Variants in MIOS observed in about 807,000 individuals in gnomAD.
MIOS encodes the protein GATOR2 complex protein MIOS.
MIOS carries 52 observed loss-of-function variants against 96.9 expected under a neutral mutation model. That is an observed-to-expected ratio of 0.54 (90% confidence interval 0.43 to 0.68). The LOEUF is 0.68. Among genes scored for constraint, MIOS ranks in the 30% least tolerant of loss-of-function variants. The pLI, the probability that MIOS is intolerant of heterozygous loss-of-function variation, is 0.00. For synonymous variants in MIOS, 397 were observed against 359.5 expected (o/e 1.10, Z -1.18); for missense variants, 1,005 against 1,052.8 (o/e 0.95, Z 0.63).
At position 7,572,742 on chromosome 7, in the gene MIOS, T is replaced by TA; in HGVS notation, c.268dup (p.Thr90AsnfsTer8). ...GACAAGCAAATGGTCGAGTTGTACTTACAAGCCTTGGTCAAGATCATAACT... is the reference window on the plus strand; with the variant it reads ...GACAAGCAAATGGTCGAGTTGTACTTAACAAGCCTTGGTCAAGATCATAACT... On this transcript the variant is annotated frameshift_variant, in exon 4 of 13. Coordinates refer to ENST00000340080, the MANE Select transcript of MIOS (RefSeq NM_019005.4). LOFTEE classifies it high-confidence loss of function. This position sits in a 1 kb window ranked among gnomAD's most constrained non-coding sequence, Gnocchi z 4.8. 2 of 1,614,164 alleles carry TA rather than the reference T, an allele frequency of 1.2e-6. No individual in the cohort carries two copies. The highest frequency in any genetic ancestry group is 1.1e-5 in the South Asian group (1 of 91,082).
chr7:7,576,127 GTATATA>G (rs940808631), intron 5 of MIOS, among the ~76,000 whole-genome samples: 2 of 152,226 alleles, frequency 1.3e-5, no homozygotes, highest in Admixed American at 1.3e-4. Flanking sequence ...GTAACAAATA[GTATATA>G]TATAAGTGCT....
chr7:7,575,490 T>C (rs540007780), intron 5 of MIOS, among the ~76,000 whole-genome samples: 1 of 152,214 alleles, frequency 6.6e-6, no homozygotes, highest in Admixed American at 6.5e-5. Context: ...TTTATTAACA[T>C]AGGTAAAAGG....
chr7:7,603,971 C>G (rs1009443275), intron 11 of MIOS, among the ~76,000 whole-genome samples: 12 of 150,928 alleles, frequency 8.0e-5, no homozygotes, highest in African/African-American at 2.9e-4. Flanking sequence ...GACAAAAATC[C>G]AAACACCGCA....
intron 9 of MIOS, among the ~76,000 whole-genome samples, chr7:7,593,879 CAAAA>C (rs35986278): frequency 4.2e-5 from 2 of 47,864 alleles, no homozygotes; most frequent in African/African-American, 1.3e-4. Context: ...ACTCTGTCTC[CAAAA>C]AAAAAAAAAA....
In MIOS at chr7:7,604,617, T is replaced by C. The variant is rs1443106739; in HGVS notation, c.2402-1325T>C. On this transcript the variant is annotated intron_variant, in intron 11 of 12. Coordinates refer to ENST00000340080, the MANE Select transcript of MIOS (RefSeq NM_019005.4). ...ATTTTCTTCTTACATTATGAGTTAA[T>C]GCATAAGTGAAACTCTAGTTTCGCC... 3.3e-5 allele frequency among the ~76,000 whole-genome samples: 5 copies of C among 152,226 alleles called. No individual in the cohort carries two copies. The East Asian group carries it at 9.6e-4, about 29-fold the overall frequency.
At chr7:7,582,260 T>G (rs1783754769) in intron 5 of MIOS, among the ~76,000 whole-genome samples, 1 of 152,230 alleles carries the variant, frequency 6.6e-6, no homozygotes, top group African/African-American at 2.4e-5. Flanking sequence ...ATTTAGTTTA[T>G]TCTGAAAATC....
At chr7:7,592,289 C>G (rs1703378907) in intron 9 of MIOS, among the ~76,000 whole-genome samples, 1 of 152,130 alleles carries the variant, frequency 6.6e-6, no homozygotes, top group South Asian at 2.1e-4. Context: ...GTGCCTGGCC[C>G]AGATTTGTTG....
Position 7,605,927 on chromosome 7 carries a change from T to G in MIOS, c.2402-15T>G. On this transcript the variant is annotated splice_polypyrimidine_tract_variant and intron_variant, in intron 11 of 12. Transcript: ENST00000340080. ...TTATGATATAGTTAATGAAGATCAT[T>G]TTATTTTGTCATAGGAGGAACCAAA... The G allele has an allele frequency of 6.2e-7, 1 of 1,609,444 alleles. No homozygotes were observed. The highest frequency in any genetic ancestry group is 8.5e-7 in the Non-Finnish European group (1 of 1,177,032).
chr7:7,579,831 G>T lies in MIOS; in HGVS notation c.1394-3287G>T, dbSNP rs890906515. On this transcript the variant is annotated intron_variant, in intron 5 of 12. Transcript: ENST00000340080. Reference sequence around the variant, plus strand: ...GTAGTGGGCTATGCCATCTAGGTTTGTGTAAGTACACTGTGATGTTCATAC... The same window carrying T: ...GTAGTGGGCTATGCCATCTAGGTTTTTGTAAGTACACTGTGATGTTCATAC... 2.0e-5 allele frequency among the ~76,000 whole-genome samples: 3 copies of T among 152,164 alleles called. No individual in the cohort carries two copies. In the South Asian group the frequency reaches 6.2e-4, roughly 32 times the overall value.
chr7:7,571,244 A>T (rs1329482351), intron 3 of MIOS, among the ~76,000 whole-genome samples: 2 of 152,190 alleles, frequency 1.3e-5, no homozygotes, highest in Non-Finnish European at 2.9e-5. Flanking sequence ...AGGCAACCTT[A>T]ATTATTGAAA....
At position 7,594,991 on chromosome 7, in the gene MIOS, A is replaced by T; in HGVS notation, c.2055A>T (p.Leu685Phe). 12 of 1,606,336 alleles carry T rather than the reference A, an allele frequency of 7.5e-6. No individual in the cohort carries two copies. Among genetic ancestry groups the T allele is most frequent in the Non-Finnish European group, 1.0e-5 (12 of 1,177,288 alleles). The change falls in exon 10 of 13, where the codon TTA becomes TTT. Residue 685 changes from leucine (L) to phenylalanine (F), a missense_variant. This residue lies in a region of MIOS where 865 missense variants were observed against 887.9 expected (regional missense o/e 0.97). Transcript: ENST00000340080. ...TGTTTTCGTTTTAGGGTTCACCTTT[A>T]GATGTTCTTAAAGATGAAAGGGTTC... ...ASYCMLQGSP[L>F]DVLKDERVQY...
At chr7:7,601,913 T>G (rs948637139) in intron 11 of MIOS, among the ~76,000 whole-genome samples, 27 of 152,278 alleles carry the variant, frequency 1.8e-4, no homozygotes, top group Non-Finnish European at 3.5e-4. Flanking sequence ...CAAGGCTGGT[T>G]CAACATACGA....
intron 5 of MIOS, among the ~76,000 whole-genome samples, chr7:7,575,917 A>G (rs560649403): frequency 1.9e-4 from 28 of 149,774 alleles, no homozygotes; most frequent in Non-Finnish European, 3.1e-4. Context: ...TTTTGTTTCT[A>G]CTACCCAAAG....
chr7:7,572,848 G>A lies in MIOS; in HGVS notation c.373G>A (p.Asp125Asn), dbSNP rs754287818. ...QCNTLAWNPL[D>N]SNWLAAGLDK... ...TAATACCCTTGCCTGGAATCCACTG[G>A]ATAGTAACTGGCTAGCTGCTGGTTT... Residue 125 changes from aspartate to asparagine, a missense_variant, in exon 4 of 13, where the codon GAT becomes AAT. Coordinates refer to ENST00000340080, the MANE Select transcript of MIOS (RefSeq NM_019005.4). The surrounding 1 kb of genome is among the most constrained non-coding windows in gnomAD (Gnocchi z 4.8). 1.9e-6 allele frequency: 3 copies of A among 1,614,138 alleles called. No individual in the cohort carries two copies. The highest frequency in any genetic ancestry group is 2.5e-6 in the Non-Finnish European group (3 of 1,180,000).
In MIOS at chr7:7,589,388, C is replaced by G; in HGVS notation, c.1885-17C>G. 6.2e-7 allele frequency: 1 copy of G among 1,608,988 alleles called. No homozygotes were observed. The highest frequency in any genetic ancestry group is 8.5e-7 in the Non-Finnish European group (1 of 1,176,812). On this transcript the variant is annotated splice_polypyrimidine_tract_variant and intron_variant, in intron 8 of 12. Transcript: ENST00000340080. ...GTGAAACAGATTGCTTTAGAAAAAT[C>G]ACTTTAAATTTTCCAGTTAAATAGA...
In MIOS at chr7:7,601,427, G is replaced by A. The variant is rs562985625; in HGVS notation, c.2402-4515G>A. On this transcript the variant is annotated intron_variant, in intron 11 of 12. Transcript: ENST00000340080. The stretch of plus-strand genomic sequence containing the variant: ...CCCACAGAAATACAAACTACCATCA[G>A]AGAATACCATAAACACCTCTATGCA... 6.6e-5 allele frequency among the ~76,000 whole-genome samples: 10 copies of A among 152,242 alleles called. No individual in the cohort carries two copies. The East Asian group carries it at 1.9e-3, about 29-fold the overall frequency.
Position 7,606,007 on chromosome 7 carries a change from T to C in MIOS, c.2467T>C (p.Trp823Arg). The C allele has an allele frequency of 6.2e-7, 1 of 1,614,006 alleles. No homozygotes were observed. ...CAAAAAATTAGCCCAATTTAACAAC[T>C]GGTTTACATGGTGTCATAATTGCAG... is the stretch of plus-strand genomic sequence containing the variant. ...KDKKLAQFNNWFTWCHNCRHG... is the reference protein window; with the variant it reads ...KDKKLAQFNNRFTWCHNCRHG... Residue 823 changes from tryptophan (W) to arginine (R), a missense_variant, in exon 12 of 13, where the codon TGG (tryptophan) becomes CGG (arginine). Transcript: ENST00000340080.
Position 7,606,483 on chromosome 7 carries a change from A to C in MIOS, c.2531+412A>C, listed in dbSNP as rs558928513. On this transcript the variant is annotated intron_variant, in intron 12 of 12. Transcript: ENST00000340080. ...CTTTTTATGTAGTCACGCAATTAAG[A>C]CTGTCAAGACATATTTGAATTTCAT... is the stretch of plus-strand genomic sequence containing the variant. 3.3e-5 allele frequency among the ~76,000 whole-genome samples: 5 copies of C among 152,294 alleles called. No individual in the cohort carries two copies. The South Asian group carries it at 1.0e-3, about 32-fold the overall frequency.
chr7:7,573,632 T>A lies in MIOS; in HGVS notation c.1157T>A (p.Leu386Ter). The A allele has an allele frequency of 6.2e-7, 1 of 1,614,030 alleles. No homozygotes were observed. The highest frequency in any genetic ancestry group is 8.5e-7 in the Non-Finnish European group (1 of 1,179,924). ...ECTEEENDNS[L>*]EKDIATKMRL... The stretch of plus-strand genomic sequence containing the variant: ...ACGGAAGAAGAAAATGATAATTCTT[T>A]AGAAAAAGATATAGCAACGAAGATG... Residue 386 changes from leucine (L) to a stop codon, truncating the protein, a stop_gained, in exon 4 of 13, where the codon TTA (leucine) becomes TAA (stop). Coordinates refer to ENST00000340080, the MANE Select transcript of MIOS (RefSeq NM_019005.4). LOFTEE classifies it high-confidence loss of function. The surrounding 1 kb of genome is among the most constrained non-coding windows in gnomAD (Gnocchi z 5.0).
Sources: gnomAD v4.1 joint callset for allele counts (sites outside exome capture counted in the v4.1 genomes callset) on GRCh38, gnomAD v4.1.1 for gene constraint, gnomAD v4.1.1 regional missense constraint, Gnocchi (gnomAD v3.1) non-coding constraint, MANE v1.5 for transcripts, NCBI Gene and HGNC (gene_info 2026-07-23, HGNC 2026-07-21) for gene names.